The following SLF1 variants were observed in gnomAD, a reference collection of about 807,000 sequenced individuals.
SLF1 encodes the protein SMC5/6 complex localization factor 1, also known as SMC5-SMC6 complex localization factor protein 1.
SLF1 carries 105 observed loss-of-function variants against 123.0 expected under a neutral mutation model. The observed-to-expected ratio is 0.85, with a 90% confidence interval of 0.73 to 1.00. SLF1 has a LOEUF of 1.00. SLF1 is among the 50% of genes least tolerant of loss of function. SLF1 has a pLI of 0.00. For missense variants in SLF1, 1,239 were observed against 1,223.0 expected (o/e 1.01, Z -0.20); for synonymous variants, 434 against 406.6 (o/e 1.07, Z -0.81).
intron 12 of SLF1, among the ~76,000 whole-genome samples, chr5:94,666,716 A>G (rs1345753815): frequency 6.6e-6 from 1 of 152,162 alleles, no homozygotes; most frequent in Non-Finnish European, 1.5e-5. Context: ...GGCTCACTGT[A>G]ACCTCTACCT....
At chr5:94,672,230 T>C (rs1407609001) in intron 14 of SLF1, among the ~76,000 whole-genome samples, 1 of 152,130 alleles carries the variant, frequency 6.6e-6, no homozygotes, top group African/African-American at 2.4e-5. Flanking sequence ...AATATCTTTT[T>C]CAGGGATCGT....
At chr5:94,621,790 C>G (rs1047502841) in intron 1 of SLF1, among the ~76,000 whole-genome samples, 4 of 152,078 alleles carry the variant, frequency 2.6e-5, no homozygotes, top group African/African-American at 9.7e-5. Flanking sequence ...ATCAGAGGGA[C>G]TAATTACTGC....
At chr5:94,677,093 C>G (rs1231922857) in intron 14 of SLF1, among the ~76,000 whole-genome samples, 4 of 152,082 alleles carry the variant, frequency 2.6e-5, no homozygotes, top group Non-Finnish European at 5.9e-5. Flanking sequence ...AACATAATAA[C>G]ATACTGTTTA....
chr5:94,670,863 C>T lies in SLF1; in HGVS notation c.1682C>T (p.Ser561Phe). 2 of 1,549,198 alleles carry T rather than the reference C, an allele frequency of 1.3e-6. No homozygotes were observed. The highest frequency in any genetic ancestry group is 1.7e-6 in the Non-Finnish European group (2 of 1,145,466). ...LSQKLYDWSDSQNLKITGKAM... is the reference protein window; with the variant it reads ...LSQKLYDWSDFQNLKITGKAM... ...ATTAGGTTGTATGACTGGTCAGATT[C>T]TCAGAATCTGAAAATAACAGGAAAG... Residue 561 changes from serine to phenylalanine, a missense_variant, in exon 14 of 21, where the codon TCT becomes TTT. Physicochemically the swap from Ser to Phe is radical, Grantham distance 155. Transcript: ENST00000265140.
At chr5:94,624,739 A>T (rs573814996) in intron 1 of SLF1, among the ~76,000 whole-genome samples, 1 of 152,108 alleles carries the variant, frequency 6.6e-6, no homozygotes, top group Non-Finnish European at 1.5e-5. Context: ...ATTAGTTTTT[A>T]TACGTCAATT....
At position 94,627,585 on chromosome 5, in the gene SLF1, CATATATATATAT is replaced by C. The variant is rs58847356; in HGVS notation, c.1-1202_1-1191del. On this transcript the variant is annotated intron_variant, in intron 1 of 20. Transcript: ENST00000265140. ...TCTACCTTGTAAATGATGAAATTAACATATATATATATATATATATATATATATATATATAGC... is the reference window on the plus strand; with the variant it reads ...TCTACCTTGTAAATGATGAAATTAACATATATATATATATATATATATAGC... 3.8e-3 allele frequency among the ~76,000 whole-genome samples: 328 copies of C among 86,844 alleles called. 8 individuals carry two copies. The highest frequency in any genetic ancestry group is 0.016 in the South Asian group (41 of 2,586). 57.0% of individuals were successfully genotyped at this position (86,844 alleles called of 152,430 possible). A position where few individuals can be genotyped will look rare whatever the true frequency, so the allele number is the denominator to read the frequency against.
At position 94,653,310 on chromosome 5, in the gene SLF1, T is replaced by A; in HGVS notation, c.921T>A (p.Ser307Arg). Residue 307 changes from serine to arginine, a missense_variant, in exon 8 of 21, where the codon AGT becomes AGA. By Grantham distance (110) the Ser-to-Arg change is moderately radical. Coordinates refer to ENST00000265140, the MANE Select transcript of SLF1 (RefSeq NM_032290.4). ...IKKKDEDIQR[S>R]YTLRRKRKKG... ...AAAAAGATGAAGATATTCAGAGGAG[T>A]TATACTTTGAGGAGAAAACGCAAGA... 1 of 1,530,426 alleles carries A rather than the reference T, an allele frequency of 6.5e-7. No individual in the cohort carries two copies. The highest frequency in any genetic ancestry group is 8.8e-7 in the Non-Finnish European group (1 of 1,140,362). The allele number at this position is 1,530,426 out of a possible 1,614,324, so 94.8% of individuals were successfully genotyped here.
intron 14 of SLF1, among the ~76,000 whole-genome samples, chr5:94,675,231 C>G (rs1234605881): frequency 2.0e-5 from 3 of 152,190 alleles, no homozygotes; most frequent in Non-Finnish European, 4.4e-5. Context: ...GAAGTTATCT[C>G]TACTGGCAGA....
At chr5:94,654,235 A>G (rs1052140745) in intron 8 of SLF1, among the ~76,000 whole-genome samples, 4 of 152,090 alleles carry the variant, frequency 2.6e-5, no homozygotes, top group African/African-American at 9.7e-5. Context: ...ATTCAGAAGA[A>G]TTTCAGGAAA....
chr5:94,667,179 C>T (rs1749867714), intron 12 of SLF1, among the ~76,000 whole-genome samples: 1 of 151,998 alleles, frequency 6.6e-6, no homozygotes, highest in South Asian at 2.1e-4. Context: ...TTACGGAGAG[C>T]CAGACACTGT....
intron 14 of SLF1, among the ~76,000 whole-genome samples, chr5:94,677,822 T>C (rs1284197786): frequency 6.6e-6 from 1 of 152,228 alleles, no homozygotes; most frequent in Admixed American, 6.5e-5. Flanking sequence ...TTTCAAACAT[T>C]AGCGTAGGGT....
intron 1 of SLF1, among the ~76,000 whole-genome samples, chr5:94,619,609 AT>A (rs959454442): frequency 5.7e-5 from 8 of 141,084 alleles, no homozygotes; most frequent in African/African-American, 2.1e-4. Context: ...TTATTAAAAA[AT>A]TTTGTTGTTG....
At chr5:94,667,907 C>T (rs1749993180) in intron 12 of SLF1, among the ~76,000 whole-genome samples, 1 of 152,074 alleles carries the variant, frequency 6.6e-6, no homozygotes, top group Non-Finnish European at 1.5e-5. Flanking sequence ...TGCTCCCACG[C>T]CTGGCTAGTT....
chr5:94,686,783 T>C, intron 16 of SLF1, 65 bp downstream of exon 16: 3 of 1,446,636 alleles, frequency 2.1e-6, no homozygotes, highest in Non-Finnish European at 2.8e-6. Flanking sequence ...TCAATTTTAT[T>C]TATTTAGTTA....
chr5:94,670,134 G>C lies in SLF1; in HGVS notation c.1533-17G>C. The C allele has an allele frequency of 6.6e-7, 1 of 1,525,522 alleles. No homozygotes were observed. The highest frequency in any genetic ancestry group is 1.2e-5 in the South Asian group (1 of 80,150). The allele number at this position is 1,525,522 out of a possible 1,614,324, so 94.5% of individuals were successfully genotyped here. ...AATTGCTTGTATGTTATAGATTTTT[G>C]GGTTCATGTTTTTCAGGTCTTGCCT... is the stretch of plus-strand genomic sequence containing the variant. On this transcript the variant is annotated splice_polypyrimidine_tract_variant and intron_variant, in intron 12 of 20. Transcript: ENST00000265140.
chr5:94,630,818 T>A (rs945148854), intron 4 of SLF1, 75 bp downstream of exon 4: 77 of 1,468,066 alleles, frequency 5.2e-5, no homozygotes, highest in Non-Finnish European at 6.8e-5. Flanking sequence ...CTTTCTGTAT[T>A]TTTTTGCAAT....
chr5:94,653,995 C>G (rs888118310), intron 8 of SLF1, among the ~76,000 whole-genome samples: 1 of 151,892 alleles, frequency 6.6e-6, no homozygotes, highest in Non-Finnish European at 1.5e-5. Flanking sequence ...CATGGTGAAA[C>G]CCCATGTCTA....
At chr5:94,673,122 T>C (rs887884525) in intron 14 of SLF1, among the ~76,000 whole-genome samples, 2 of 152,122 alleles carry the variant, frequency 1.3e-5, no homozygotes, top group African/African-American at 4.8e-5. Context: ...TTTCATCCTA[T>C]GAGCAATTAG....
intron 16 of SLF1, among the ~76,000 whole-genome samples, chr5:94,687,740 AAG>A (rs1752603254): frequency 1.3e-5 from 2 of 152,040 alleles, no homozygotes; most frequent in Admixed American, 1.3e-4. Context: ...AGAAAGGAAA[AAG>A]AAATTTTAAT....
Sources: allele counts gnomAD v4.1 joint callset (sites outside exome capture counted in the v4.1 genomes callset), GRCh38; gene constraint gnomAD v4.1.1; transcripts MANE v1.5; gene names NCBI Gene and HGNC (gene_info 2026-07-23, HGNC 2026-07-21).